Variants in NAPSA observed in about 807,000 individuals in gnomAD.
NAPSA encodes napsin A aspartic peptidase.
NAPSA carries 37 observed loss-of-function variants against 36.7 expected under a neutral mutation model. The ratio of observed to expected loss-of-function variants is 1.01; its 90% confidence interval spans 0.78 to 1.33. NAPSA has a LOEUF of 1.33. Ranked by LOEUF, NAPSA falls within the 40% of genes most tolerant of loss-of-function variation. The pLI, the probability that NAPSA is intolerant of heterozygous loss-of-function variation, is 0.00. For missense variants in NAPSA, 532 were observed against 543.8 expected (o/e 0.98, Z 0.21); for synonymous variants, 222 against 234.5 (o/e 0.95, Z 0.49).
rs1222972431 is a variant in NAPSA at position 50,360,955 on chromosome 19, G to A, written c.654C>T (p.Ser218=). 1.2e-6 allele frequency: 2 copies of A among 1,614,014 alleles called. No individual in the cohort carries two copies. Among genetic ancestry groups the A allele is most frequent in the South Asian group, 2.2e-5 (2 of 91,064 alleles). ...CTTCCCAGTACCTGTTGAGGTAAAA[G>A]GAGAAGACAGGCTTATCCAATAGCC... ...EQGLLDKPVF[S]FYLNRDPEEP... The change falls in exon 5 of 9, where the codon TCC becomes TCT. Residue 218 remains serine (S), a synonymous_variant. Transcript: ENST00000253719.
intron 4 of NAPSA, 196 bp from the exon 5 acceptor site, chr19:50,361,336 C>T (rs985287813): frequency 1.7e-6 from 1 of 599,384 alleles, no homozygotes; most frequent in Non-Finnish European, 2.9e-6. Flanking sequence ...AGAAGCCCCA[C>T]CTCTTCACCC....
chr19:50,358,979 G>A (rs375334389), intron 8 of NAPSA, 32 bp downstream of exon 8: 14 of 1,567,476 alleles, frequency 8.9e-6, no homozygotes, highest in African/African-American at 8.1e-5. Flanking sequence ...GTCATATGAC[G>A]TCACTATGGC....
Position 50,358,520 on chromosome 19 carries a change from G to A in NAPSA, c.*33C>T, listed in dbSNP as rs578067808. Reference sequence around the variant, plus strand: ...TTTTACTGGGTAGCAGGACCTCCGCGACCACCCGCTGCGCATGCGCTTCAC... The same window carrying A: ...TTTTACTGGGTAGCAGGACCTCCGCAACCACCCGCTGCGCATGCGCTTCAC... On this transcript the variant is annotated 3_prime_UTR_variant, in exon 9 of 9. Transcript: ENST00000253719. 56 of 1,521,528 alleles carry A rather than the reference G, an allele frequency of 3.7e-5. No homozygotes were observed. In the East Asian group the frequency reaches 1.3e-3, roughly 36 times the overall value. The allele number at this position is 1,521,528 out of a possible 1,614,324, so 94.3% of individuals were successfully genotyped here. A position where few individuals can be genotyped will look rare whatever the true frequency, so the allele number is the denominator to read the frequency against.
chr19:50,361,855 C>G (rs988735982), intron 3 of NAPSA, 74 bp from the exon 4 acceptor site: 1 of 1,603,608 alleles, frequency 6.2e-7, no homozygotes, highest in Non-Finnish European at 8.5e-7. Flanking sequence ...GACTTTCTGA[C>G]CTGTGAGGGC....
upstream of NAPSA, chr19:50,365,669 T>C (rs2037540746): frequency 4.6e-6 from 7 of 1,522,426 alleles, no homozygotes; most frequent in Non-Finnish European, 6.3e-6. Context: ...CCTCATTTTC[T>C]TTCCCCTGTG....
rs373561949 is a variant in NAPSA at position 50,358,527 on chromosome 19, C to T, written c.*26G>A. The T allele has an allele frequency of 9.3e-4, 1,431 of 1,542,652 alleles. 25 individuals carry two copies. In the South Asian group the frequency reaches 0.016, roughly 17 times the overall value. On this transcript the variant is annotated 3_prime_UTR_variant, in exon 9 of 9. Coordinates refer to ENST00000253719, the MANE Select transcript of NAPSA (RefSeq NM_004851.3). ...GGGTAGCAGGACCTCCGCGACCACC[C>T]GCTGCGCATGCGCTTCACTTGGGCG...
chr19:50,364,449 A>T (rs372432797), intron 1 of NAPSA, among the ~76,000 whole-genome samples: 139 of 151,600 alleles, frequency 9.2e-4, no homozygotes, highest in African/African-American at 3.1e-3. Context: ...CCCCATCTCT[A>T]CTAAAAATAC....
rs1053856945 is a variant in NAPSA at position 50,359,581 on chromosome 19, C to T, written c.858G>A (p.Thr286=). The T allele has an allele frequency of 7.4e-6, 12 of 1,614,104 alleles. No homozygotes were observed. In the Admixed American group the frequency reaches 8.3e-5, roughly 11 times the overall value. The change falls in exon 7 of 9, where the codon ACG becomes ACA. Residue 286 remains threonine, a synonymous_variant. Transcript: ENST00000253719. ...KGCAAILDTG[T]SLITGPTEEI... ...CCTCAGTGGGTCCTGTGATGAGGGA[C>T]GTGCCCGTATCCAGGATGGCAGCAC...
rs638294 is a variant in NAPSA, at chr19:50,359,766, A to G, written c.765T>C (p.Pro255=). 545,205 of 1,613,994 alleles carry G rather than the reference A, an allele frequency of 0.34. 94,436 individuals carry two copies. The highest frequency in any genetic ancestry group is 0.44 in the Admixed American group (26,520 of 60,004). ...PPLTFVPVTV[P]AYWQIHMERV... ...GCTCCATGTGGATCTGCCAGTAGGC[A>G]GGGACCGTGACTGGCACGAAGGTGA... Residue 255 remains proline (P), a synonymous_variant, in exon 6 of 9, where the codon CCT becomes CCC. Transcript: ENST00000253719.
Position 50,365,628 on chromosome 19 carries a change from G to C in NAPSA, c.-7C>G, listed in dbSNP as rs2037540160. On this transcript the variant is annotated 5_prime_UTR_variant, in exon 1 of 9. Coordinates refer to ENST00000253719, the MANE Select transcript of NAPSA (RefSeq NM_004851.3). ...GCAGCGGTGGTGGAGACATCGCTGG[G>C]GACCTGGGTGTGAACCCAGGTGTCC... 1 of 1,602,988 alleles carries C rather than the reference G, an allele frequency of 6.2e-7. No individual in the cohort carries two copies. Among genetic ancestry groups the C allele is most frequent in the African/African-American group, 1.3e-5 (1 of 74,818 alleles).
chr19:50,360,901 T>C, intron 5 of NAPSA, 40 bp downstream of exon 5: 1 of 1,576,428 alleles, frequency 6.3e-7, no homozygotes, highest in Non-Finnish European at 8.7e-7. Context: ...TCTTCCTTCT[T>C]GGGGATAGGA....
Position 50,361,682 on chromosome 19 carries a change from A to C in NAPSA, c.449T>G (p.Leu150Arg). Reference protein sequence around the residue: ...QYGTGRVDGILSEDKLTIGGI... With the variant: ...QYGTGRVDGIRSEDKLTIGGI... ...ACTCACAGTCAGCTTGTCCTCGCTC[A>C]GGATTCCATCTACCCGCCCAGTTCC... The change falls in exon 4 of 9, where the codon CTG becomes CGG. Residue 150 changes from leucine to arginine, a missense_variant. Transcript: ENST00000253719. 1.2e-6 allele frequency: 2 copies of C among 1,613,890 alleles called. No individual in the cohort carries two copies. The highest frequency in any genetic ancestry group is 1.7e-6 in the Non-Finnish European group (2 of 1,179,922).
chr19:50,361,256 C>T, intron 4 of NAPSA, 116 bp from the exon 5 acceptor site: 9 of 846,214 alleles, frequency 1.1e-5, no homozygotes. Context: ...ATGCAAGCCC[C>T]AACTTCCTAG....
upstream of NAPSA, among the ~76,000 whole-genome samples, chr19:50,368,157 C>CAAAAAAAAAAAAA (rs56938224): frequency 7.8e-5 from 5 of 64,160 alleles, no homozygotes; most frequent in Non-Finnish European, 8.7e-5. Context: ...GACTCCCTCT[C>CAAAAAAAAAAAAA]AAAAAAAAAA....
At chr19:50,359,883 G>C (rs1345833406) in intron 5 of NAPSA, 21 bp from the exon 6 acceptor site, 3 of 1,606,292 alleles carry the variant, frequency 1.9e-6, no homozygotes, top group African/African-American at 1.3e-5. Flanking sequence ...AGAGTGTAGA[G>C]AGTGTAGATG....
chr19:50,359,865 G>A lies in NAPSA; in HGVS notation c.669-3C>T, dbSNP rs1185722746. 2.5e-6 allele frequency: 4 copies of A among 1,613,746 alleles called. No homozygotes were observed. Among genetic ancestry groups the A allele is most frequent in the Admixed American group, 1.7e-5 (1 of 60,010 alleles). ...CTCCATCAGGCTCTTCAGGGTCCCT[G>A]CAGGGGCAGAGTGTAGAGAGTGTAG... On this transcript the variant is annotated splice_polypyrimidine_tract_variant and splice_region_variant and intron_variant, in intron 5 of 8. Coordinates refer to ENST00000253719, the MANE Select transcript of NAPSA (RefSeq NM_004851.3).
rs1375229540 is a variant in NAPSA, at chr19:50,362,299, C to T, written c.98G>A (p.Arg33Gln). 2 of 1,605,618 alleles carry T rather than the reference C, an allele frequency of 1.2e-6. No homozygotes were observed. Among genetic ancestry groups the T allele is most frequent in the Non-Finnish European group, 8.5e-7 (1 of 1,175,604 alleles). The change falls in exon 2 of 9, where the codon CGA becomes CAA. Residue 33 changes from arginine to glutamine, a missense_variant. Arg to Gln is a conservative substitution (Grantham distance 43). Around this residue, in one of 3 missense-constraint regions of NAPSA, gnomAD observed 102 missense variants for 93.6 expected, o/e 1.09. Transcript: ENST00000253719. ...GATLIRIPLH[R>Q]VQPGRRILNL... is the part of the protein sequence containing the mutation. ...CAGGATCCTGCGTCCAGGTTGGACTCGATGAAGAGGGATGCTGTAGGGAAA... is the reference window on the plus strand; with the variant it reads ...CAGGATCCTGCGTCCAGGTTGGACTTGATGAAGAGGGATGCTGTAGGGAAA...
Position 50,359,780 on chromosome 19 carries a change from G to A in NAPSA, c.751C>T (p.Pro251Ser). Residue 251 changes from proline to serine, a missense_variant, in exon 6 of 9, where the codon CCA becomes TCA. Pro to Ser is a moderately conservative substitution (Grantham distance 74). Transcript: ENST00000253719. ...TGCCAGTAGGCAGGGACCGTGACTG[G>A]CACGAAGGTGAGGGGTGGGATGTAG... ...AHYIPPLTFV[P>S]VTVPAYWQIH... 1 of 1,614,234 alleles carries A rather than the reference G, an allele frequency of 6.2e-7. No individual in the cohort carries two copies. The highest frequency in any genetic ancestry group is 8.5e-7 in the Non-Finnish European group (1 of 1,180,050).
In NAPSA at chr19:50,359,572, G is replaced by C. The variant is rs758795694; in HGVS notation, c.867C>G (p.Ile289Met). Residue 289 changes from isoleucine to methionine, a missense_variant, in exon 7 of 9, where the codon ATC (isoleucine) becomes ATG (methionine). This residue lies in a region of NAPSA where 385 missense variants were observed against 371.5 expected (regional missense o/e 1.04). Coordinates refer to ENST00000253719, the MANE Select transcript of NAPSA (RefSeq NM_004851.3). ...CCCGGATCTCCTCAGTGGGTCCTGT[G>C]ATGAGGGACGTGCCCGTATCCAGGA... ...AAILDTGTSL[I>M]TGPTEEIRAL... The C allele has an allele frequency of 6.2e-7, 1 of 1,614,246 alleles. No homozygotes were observed. Among genetic ancestry groups the C allele is most frequent in the South Asian group, 1.1e-5 (1 of 91,088 alleles).
Sources: allele counts gnomAD v4.1 joint callset (sites outside exome capture counted in the v4.1 genomes callset), GRCh38; gene constraint gnomAD v4.1.1; regional missense constraint gnomAD v4.1.1; transcripts MANE v1.5; gene names NCBI Gene and HGNC (gene_info 2026-07-23, HGNC 2026-07-21).